Variants in CSTPP1 observed in about 807,000 individuals in gnomAD.
The protein encoded by CSTPP1 is centriolar satellite-associated tubulin polyglutamylase complex regulator 1, also known as UPF0705 protein C11orf49.
At chr11:47,110,567 C>T in the CSTPP1 span, among the ~76,000 whole-genome samples, 1 of 152,168 alleles carries the variant, frequency 6.6e-6, no homozygotes. Context: ...GTCATAGAGA[C>T]CAAGTACTAC....
the CSTPP1 span, among the ~76,000 whole-genome samples, chr11:47,163,198 A>T: frequency 1.3e-5 from 2 of 148,154 alleles, no homozygotes; most frequent in Admixed American, 6.8e-5. Context: ...AAAAAAGCTC[A>T]GGCTGCGTGA....
the CSTPP1 span, among the ~76,000 whole-genome samples, chr11:46,937,625 A>G: frequency 6.6e-6 from 1 of 152,224 alleles, no homozygotes; most frequent in Non-Finnish European, 1.5e-5. Context: ...GCTGGAGTGC[A>G]GTGGCGCGAT....
the CSTPP1 span, among the ~76,000 whole-genome samples, chr11:47,096,860 CAGA>C: frequency 6.6e-6 from 1 of 150,898 alleles, no homozygotes; most frequent in African/African-American, 2.4e-5. Context: ...AGTTCAAAAG[CAGA>C]AGAATTAGCA....
At chr11:47,052,333 A>G in the CSTPP1 span, 1 of 1,557,118 alleles carries the variant, frequency 6.4e-7, no homozygotes, top group Non-Finnish European at 8.7e-7. Flanking sequence ...TTTCATTCTG[A>G]TTCCAGCCTT....
chr11:47,161,525 C>CCTTCCCGGA, the CSTPP1 span: 1 of 1,614,170 alleles, frequency 6.2e-7, no homozygotes, highest in Non-Finnish European at 8.5e-7. Flanking sequence ...CAGTTGCCTG[C>CCTTCCCGGA]CTTCCCGGAC....
At chr11:46,974,857 AACACACACACACACACACACACACACAC>A in the CSTPP1 span, among the ~76,000 whole-genome samples, 17 of 144,230 alleles carry the variant, frequency 1.2e-4, no homozygotes, top group Admixed American at 8.4e-4. Context: ...TCTATCTCAA[AACACACACACACACACACACACACACAC>A]ACACACACAC....
the CSTPP1 span, among the ~76,000 whole-genome samples, chr11:46,952,285 G>C: frequency 6.6e-6 from 1 of 152,186 alleles, no homozygotes; most frequent in East Asian, 1.9e-4. Flanking sequence ...GCCAGTAAAA[G>C]GGGAAACAGT....
chr11:47,100,672 TC>T, the CSTPP1 span, among the ~76,000 whole-genome samples: 2 of 152,160 alleles, frequency 1.3e-5, no homozygotes, highest in African/African-American at 4.8e-5. Context: ...ATGCCTGTAG[TC>T]CCAGCTCCTT....
the CSTPP1 span, among the ~76,000 whole-genome samples, chr11:47,045,064 G>C: frequency 6.6e-6 from 1 of 152,176 alleles, no homozygotes; most frequent in South Asian, 2.1e-4. Context: ...TGAATTATAA[G>C]AATGATTAAC....
the CSTPP1 span, among the ~76,000 whole-genome samples, chr11:47,000,957 A>T: frequency 6.6e-6 from 1 of 152,086 alleles, no homozygotes; most frequent in Non-Finnish European, 1.5e-5. Context: ...TAACATTCTC[A>T]TGGTTACATA....
At chr11:47,046,660 CTTTTTTTTTT>C in the CSTPP1 span, among the ~76,000 whole-genome samples, 1,270 of 79,822 alleles carry the variant, frequency 0.016, 19 homozygotes, top group Middle Eastern at 0.06. Context: ...ATCTTCTTTT[CTTTTTTTTTT>C]TTTTTTTTTT....
chr11:47,013,299 A>C, the CSTPP1 span, among the ~76,000 whole-genome samples: 1 of 151,818 alleles, frequency 6.6e-6, no homozygotes, highest in Non-Finnish European at 1.5e-5. Context: ...GGTTTGTTAC[A>C]TAGATAAACA....
chr11:46,983,566 C>A, the CSTPP1 span, among the ~76,000 whole-genome samples: 1 of 152,196 alleles, frequency 6.6e-6, no homozygotes, highest in African/African-American at 2.4e-5. Context: ...GCCCAGATAT[C>A]TTTGCCCTCC....
chr11:47,090,835 C>G, the CSTPP1 span, among the ~76,000 whole-genome samples: 1 of 151,658 alleles, frequency 6.6e-6, no homozygotes, highest in African/African-American at 2.4e-5. Flanking sequence ...GTCAGGAGAT[C>G]GAGACCATCC....
the CSTPP1 span, among the ~76,000 whole-genome samples, chr11:46,966,604 A>G: frequency 5.3e-4 from 80 of 152,066 alleles, no homozygotes; most frequent in Non-Finnish European, 5.4e-4. Flanking sequence ...TCAAGTAAAA[A>G]TGGTGTTTTA....
chr11:47,027,865 A>T, the CSTPP1 span, among the ~76,000 whole-genome samples: 1 of 152,130 alleles, frequency 6.6e-6, no homozygotes, highest in South Asian at 2.1e-4. Flanking sequence ...GACAAGAAGA[A>T]GATGAAGAAG....
At chr11:47,162,097 G>C in the CSTPP1 span, 3 of 987,232 alleles carry the variant, frequency 3.0e-6, no homozygotes, top group Non-Finnish European at 3.6e-6. Flanking sequence ...AACCGCTGTG[G>C]CCTGTTGGAG....
chr11:46,996,012 A>C, the CSTPP1 span, among the ~76,000 whole-genome samples: 1 of 152,104 alleles, frequency 6.6e-6, no homozygotes, highest in Non-Finnish European at 1.5e-5. Context: ...TGTTGAATTG[A>C]TCCCTTTACC....
chr11:47,005,319 T>C, the CSTPP1 span, among the ~76,000 whole-genome samples: 2 of 152,178 alleles, frequency 1.3e-5, no homozygotes, highest in South Asian at 4.1e-4. Context: ...TACAAAAATA[T>C]TAAGTATTGT....
Sources: allele counts gnomAD v4.1 joint callset (sites outside exome capture counted in the v4.1 genomes callset), GRCh38; gene constraint gnomAD v4.1.1; transcripts MANE v1.5; gene names NCBI Gene and HGNC (gene_info 2026-07-23, HGNC 2026-07-21).